Variants in CCDC102B observed in about 807,000 individuals in gnomAD.
CCDC102B encodes the protein coiled-coil domain-containing protein 102B.
In CCDC102B, 75 loss-of-function variants were observed where a neutral mutation model predicts 57.4. That is an observed-to-expected ratio of 1.31 (90% CI 1.08 to 1.58). The LOEUF is 1.58. Among genes scored for constraint, CCDC102B ranks in the 40% most tolerant of loss-of-function variants. The pLI, the probability that CCDC102B is intolerant of heterozygous loss-of-function variation, is 0.00. For synonymous variants in CCDC102B, 206 were observed against 201.9 expected, an observed-to-expected ratio of 1.02 and a Z score of -0.17; for missense variants, 636 against 582.6, an observed-to-expected ratio of 1.09 and a Z score of -0.94.
intron 2 of CCDC102B, among the ~76,000 whole-genome samples, chr18:68,733,693 GCTTA>G (rs2033001344): frequency 6.6e-6 from 1 of 151,820 alleles, no homozygotes; most frequent in Non-Finnish European, 1.5e-5. Context: ...ACTCACAGTA[GCTTA>G]CTTAAATGGA....
intron 1 of CCDC102B, among the ~76,000 whole-genome samples, chr18:68,835,058 A>G (rs147058573): frequency 1.3e-5 from 2 of 152,304 alleles, no homozygotes; most frequent in African/African-American, 2.4e-5. Flanking sequence ...TTATTAATTT[A>G]CAAATTAAGC....
At chr18:68,989,702 C>T (rs1568105389) in intron 6 of CCDC102B, among the ~76,000 whole-genome samples, 1 of 152,162 alleles carries the variant, frequency 6.6e-6, no homozygotes, top group Admixed American at 6.6e-5. Context: ...GTGAGAGTGC[C>T]GCACTCATAC....
intron 1 of CCDC102B, among the ~76,000 whole-genome samples, chr18:68,805,297 A>G (rs144834458): frequency 4.1e-4 from 62 of 152,310 alleles, no homozygotes; most frequent in Non-Finnish European, 7.6e-4. Context: ...TAATTTCCCT[A>G]TGGTAGAGTT....
At chr18:68,866,366 T>C (rs1012292090) in intron 4 of CCDC102B, among the ~76,000 whole-genome samples, 6 of 152,156 alleles carry the variant, frequency 3.9e-5, no homozygotes, top group African/African-American at 1.4e-4. Context: ...TAATAAAAAT[T>C]GAAGGAATAA....
At chr18:68,737,524 TTG>T (rs745748969) in intron 2 of CCDC102B, among the ~76,000 whole-genome samples, 2 of 150,024 alleles carry the variant, frequency 1.3e-5, no homozygotes, top group Non-Finnish European at 3.0e-5. Flanking sequence ...GAAGGGAGGG[TTG>T]TGTGTGTGTG....
intron 7 of CCDC102B, among the ~76,000 whole-genome samples, chr18:69,049,042 CT>C (rs1044807046): frequency 0.02 from 2,855 of 145,094 alleles, 92 homozygotes; most frequent in African/African-American, 0.063. Context: ...GATTTTCTTT[CT>C]TTTTTTTTTT....
At chr18:68,881,897 T>G (rs1286869624) in intron 5 of CCDC102B, among the ~76,000 whole-genome samples, 1 of 152,202 alleles carries the variant, frequency 6.6e-6, no homozygotes, top group Non-Finnish European at 1.5e-5. Flanking sequence ...TTCATTGTAT[T>G]GTTATAAATT....
intron 2 of CCDC102B, among the ~76,000 whole-genome samples, chr18:68,733,506 A>ATATATATATATTTTT (rs1286743067): frequency 2.3e-5 from 2 of 87,642 alleles, no homozygotes; most frequent in African/African-American, 1.1e-4. Flanking sequence ...ATATATATAT[A>ATATATATATATTTTT]TTTTTTTAAC....
chr18:68,729,529 C>A (rs975533743), intron 2 of CCDC102B, among the ~76,000 whole-genome samples: 7 of 152,126 alleles, frequency 4.6e-5, no homozygotes, highest in African/African-American at 1.7e-4. Flanking sequence ...AAACTTGACG[C>A]ATGACTTGAT....
intron 2 of CCDC102B, among the ~76,000 whole-genome samples, chr18:68,724,075 C>T (rs954677149): frequency 2.6e-5 from 4 of 152,330 alleles, no homozygotes; most frequent in East Asian, 1.9e-4. Flanking sequence ...CATGTGGAAG[C>T]TGTCAAGGCT....
At chr18:68,963,548 C>T (rs1265620990) in intron 6 of CCDC102B, among the ~76,000 whole-genome samples, 1 of 151,868 alleles carries the variant, frequency 6.6e-6, no homozygotes, top group African/African-American at 2.4e-5. Flanking sequence ...CCCCATCCAT[C>T]AAGACAAGGC....
intron 6 of CCDC102B, among the ~76,000 whole-genome samples, chr18:68,957,733 C>T (rs183145652): frequency 1.3e-5 from 2 of 151,968 alleles, no homozygotes; most frequent in Non-Finnish European, 2.9e-5. Flanking sequence ...AATATTGATT[C>T]TTTCAATCCT....
intron 2 of CCDC102B, among the ~76,000 whole-genome samples, chr18:68,748,264 T>C (rs1668405980): frequency 7.2e-6 from 1 of 138,330 alleles, no homozygotes; most frequent in Non-Finnish European, 1.6e-5. Context: ...GTGTTTGCTA[T>C]TGAGTTGTAG....
At chr18:68,842,087 C>T (rs1180891113) in intron 3 of CCDC102B, among the ~76,000 whole-genome samples, 1 of 151,910 alleles carries the variant, frequency 6.6e-6, no homozygotes, top group Non-Finnish European at 1.5e-5. Context: ...TAGCATGCTT[C>T]ATTAAATGTT....
Position 68,838,749 on chromosome 18 carries a change from T to G in CCDC102B, c.650T>G (p.Met217Arg), listed in dbSNP as rs751590960. Residue 217 changes from methionine (M) to arginine (R), a missense_variant, in exon 3 of 8, where the codon ATG becomes AGG. By Grantham distance (91) the Met-to-Arg change is moderately conservative (BLOSUM62 -1). Transcript: ENST00000360242. ...GATTCTCTAAAATTAAGTGAGGAGA[T>G]GAAGCCCAATCTAGATGGTGTTGAT... is the stretch of plus-strand genomic sequence containing the variant. ...VIDSLKLSEE[M>R]KPNLDGVDLF... 6.2e-7 allele frequency: 1 copy of G among 1,613,994 alleles called. No individual in the cohort carries two copies. The highest frequency in any genetic ancestry group is 8.5e-7 in the Non-Finnish European group (1 of 1,179,924).
At chr18:68,761,927 T>C (rs934427437) in intron 2 of CCDC102B, among the ~76,000 whole-genome samples, 6 of 152,142 alleles carry the variant, frequency 3.9e-5, no homozygotes, top group Admixed American at 1.3e-4. Flanking sequence ...TGTATATTTA[T>C]CTGTTTCTCT....
At chr18:68,754,917 C>G (rs1279503794) in intron 2 of CCDC102B, 1 of 152,280 alleles carries the variant, frequency 6.6e-6, no homozygotes, top group African/African-American at 2.4e-5. Context: ...GAAGAGGAAA[C>G]GAGCCCTTAA....
chr18:68,879,421 A>T (rs1431928955), intron 5 of CCDC102B, among the ~76,000 whole-genome samples: 1 of 152,258 alleles, frequency 6.6e-6, no homozygotes, highest in East Asian at 1.9e-4. Flanking sequence ...TTATTCTTTT[A>T]TCTGGCCCCA....
intron 7 of CCDC102B, among the ~76,000 whole-genome samples, chr18:69,050,170 A>G (rs2052670051): frequency 6.6e-6 from 1 of 152,168 alleles, no homozygotes; most frequent in Non-Finnish European, 1.5e-5. Context: ...GGAGCAAATT[A>G]CAGACAGATT....
Sources: allele counts gnomAD v4.1 joint callset (sites outside exome capture counted in the v4.1 genomes callset), GRCh38; gene constraint gnomAD v4.1.1; transcripts MANE v1.5; gene names NCBI Gene and HGNC (gene_info 2026-07-23, HGNC 2026-07-21).